ST18: variants seen among roughly 807,000 people sequenced by gnomAD.
ST18 encodes the protein ST18 C2H2C-type zinc finger transcription factor, also known as suppression of tumorigenicity 18 protein.
Under a neutral mutation model 110.0 loss-of-function variants are expected in ST18, and 50 were observed. That is an observed-to-expected ratio of 0.45 (90% CI 0.36 to 0.58). ST18 has a LOEUF of 0.58. Among genes scored for constraint, ST18 ranks in the 20% least tolerant of loss-of-function variants. The probability of loss-of-function intolerance (pLI) is 0.00; values close to 1 mark genes in which losing one functional copy is unlikely to be tolerated. For missense variants in ST18, 1,306 were observed against 1,280.1 expected (o/e 1.02, Z -0.31); for synonymous variants, 461 against 452.4 (o/e 1.02, Z -0.24).
intron 2 of ST18, among the ~76,000 whole-genome samples, chr8:52,285,650 A>G (rs952438465): frequency 2.0e-5 from 3 of 152,214 alleles, no homozygotes; most frequent in African/African-American, 4.8e-5. Flanking sequence ...TTGAAACCAC[A>G]GAGCCCCCAG....
chr8:52,148,264 C>T (rs765078089), intron 16 of ST18, among the ~76,000 whole-genome samples: 13 of 151,944 alleles, frequency 8.6e-5, no homozygotes, highest in East Asian at 1.9e-4. Flanking sequence ...CATCCTTGGA[C>T]GCTTTGGGTG....
At chr8:52,125,102 T>C (rs547526455) in intron 23 of ST18, among the ~76,000 whole-genome samples, 1 of 152,228 alleles carries the variant, frequency 6.6e-6, no homozygotes, top group South Asian at 2.1e-4. Context: ...ATAATGCTCA[T>C]TAGAAATCTC....
At chr8:52,151,970 A>G (rs1052935504) in intron 15 of ST18, among the ~76,000 whole-genome samples, 1 of 152,228 alleles carries the variant, frequency 6.6e-6, no homozygotes, top group Admixed American at 6.5e-5. Context: ...AGACTAATAT[A>G]TATTTTAGTT....
chr8:52,143,196 A>T, intron 16 of ST18, 151 bp from the exon 17 acceptor site: 1 of 613,764 alleles, frequency 1.6e-6, no homozygotes, highest in East Asian at 2.7e-5. Context: ...ATAAGAAATA[A>T]ATAATATAGG....
chr8:52,233,438 G>A (rs1240626430), intron 2 of ST18, among the ~76,000 whole-genome samples: 1 of 152,134 alleles, frequency 6.6e-6, no homozygotes, highest in East Asian at 1.9e-4. Flanking sequence ...ACCAGGGTGT[G>A]TAGTTTGAGT....
chr8:52,312,210 C>T (rs1019059860), intron 2 of ST18, among the ~76,000 whole-genome samples: 6 of 152,158 alleles, frequency 3.9e-5, no homozygotes, highest in Non-Finnish European at 8.8e-5. Flanking sequence ...ATCCGATTTA[C>T]TAGGGTTCTC....
At chr8:52,171,727 TCTGA>T in intron 10 of ST18, 61 bp downstream of exon 10, 1 of 1,553,120 alleles carries the variant, frequency 6.4e-7, no homozygotes, top group Non-Finnish European at 8.8e-7. Context: ...AATAATCAAA[TCTGA>T]CTTTTTTTTC....
intron 16 of ST18, among the ~76,000 whole-genome samples, chr8:52,146,474 C>T (rs2057312065): frequency 6.6e-6 from 1 of 151,188 alleles, no homozygotes; most frequent in Non-Finnish European, 1.5e-5. Flanking sequence ...ACCTTCTTCT[C>T]TTTTTTTTCT....
chr8:52,358,424 A>C (rs1409186729), intron 2 of ST18, among the ~76,000 whole-genome samples: 1 of 152,078 alleles, frequency 6.6e-6, no homozygotes, highest in Non-Finnish European at 1.5e-5. Flanking sequence ...TTCTTTTAAA[A>C]AGGGAAAAAA....
At chr8:52,265,287 G>A (rs767158506) in intron 2 of ST18, among the ~76,000 whole-genome samples, 10 of 152,194 alleles carry the variant, frequency 6.6e-5, no homozygotes, top group Non-Finnish European at 8.8e-5. Flanking sequence ...GAGGAGATGA[G>A]GTCAGAGACC....
chr8:52,351,486 G>A (rs1820304028), intron 2 of ST18, among the ~76,000 whole-genome samples: 1 of 152,156 alleles, frequency 6.6e-6, no homozygotes, highest in Non-Finnish European at 1.5e-5. Context: ...TTCCCCATAG[G>A]AGCCCAATGC....
intron 2 of ST18, among the ~76,000 whole-genome samples, chr8:52,285,530 G>A (rs1261701101): frequency 6.6e-6 from 1 of 152,190 alleles, no homozygotes; most frequent in East Asian, 1.9e-4. Flanking sequence ...GTCACGATTA[G>A]TGTTGTGTGG....
chr8:52,222,216 G>A (rs896007383), intron 3 of ST18: 28 of 152,176 alleles, frequency 1.8e-4, no homozygotes, highest in African/African-American at 6.5e-4. Context: ...TAAAGCCTCT[G>A]AGTTCCCTAA....
intron 15 of ST18, among the ~76,000 whole-genome samples, chr8:52,155,271 T>C (rs1204861499): frequency 2.0e-5 from 3 of 152,200 alleles, no homozygotes; most frequent in Non-Finnish European, 4.4e-5. Flanking sequence ...AACCATTATG[T>C]CATCCACTAA....
chr8:52,161,938 G>A (rs535067577), intron 13 of ST18, among the ~76,000 whole-genome samples: 2 of 152,318 alleles, frequency 1.3e-5, no homozygotes, highest in South Asian at 2.1e-4. Flanking sequence ...AGGTGGGTGC[G>A]GTGGCTTACG....
chr8:52,266,698 T>G (rs111951898), intron 2 of ST18, among the ~76,000 whole-genome samples: 8,526 of 151,972 alleles, frequency 0.056, 798 homozygotes, highest in African/African-American at 0.2. Flanking sequence ...TGTGCCACCA[T>G]GCCTGGTTAA....
intron 8 of ST18, among the ~76,000 whole-genome samples, chr8:52,199,825 C>T (rs1283321729): frequency 6.6e-6 from 1 of 152,182 alleles, no homozygotes; most frequent in Admixed American, 6.5e-5. Context: ...GTTTGCCTCA[C>T]ACTGTTGTTT....
At chr8:52,175,953 A>C (rs1193008051) in intron 9 of ST18, among the ~76,000 whole-genome samples, 1 of 152,122 alleles carries the variant, frequency 6.6e-6, no homozygotes. Context: ...CTAGTAGCTC[A>C]TTATTTTCTC....
intron 9 of ST18, among the ~76,000 whole-genome samples, chr8:52,174,047 T>C (rs2065998355): frequency 6.6e-6 from 1 of 152,180 alleles, no homozygotes; most frequent in African/African-American, 2.4e-5. Context: ...CATTTTTGGA[T>C]GAAGGGAAGA....
Sources: allele counts gnomAD v4.1 joint callset (sites outside exome capture counted in the v4.1 genomes callset), GRCh38; gene constraint gnomAD v4.1.1; transcripts MANE v1.5; gene names NCBI Gene and HGNC (gene_info 2026-07-23, HGNC 2026-07-21).